KIAA1328: variants seen among roughly 807,000 people sequenced by gnomAD.
KIAA1328 encodes the protein protein hinderin.
In KIAA1328, 52 loss-of-function variants were observed where a neutral mutation model predicts 68.1. That is an observed-to-expected ratio of 0.76 (90% CI 0.61 to 0.96). KIAA1328 has a LOEUF of 0.96. Ranked by LOEUF, KIAA1328 falls within the 40% of genes least tolerant of loss-of-function variation. KIAA1328 has a pLI of 0.00. For missense variants in KIAA1328, 641 were observed against 677.6 expected, an observed-to-expected ratio of 0.95 and a Z score of 0.60; for synonymous variants, 232 against 239.4, an observed-to-expected ratio of 0.97 and a Z score of 0.28.
intron 6 of KIAA1328, among the ~76,000 whole-genome samples, chr18:36,985,055 C>T (rs2052858998): frequency 6.6e-6 from 1 of 151,944 alleles, no homozygotes; most frequent in East Asian, 1.9e-4. Context: ...AAAATTCAAG[C>T]ATTTGGGAGG....
chr18:37,164,770 G>A (rs1368859470), intron 8 of KIAA1328, among the ~76,000 whole-genome samples: 1 of 151,984 alleles, frequency 6.6e-6, no homozygotes, highest in African/African-American at 2.4e-5. Context: ...AAATAAAAAA[G>A]TGCTGCCTTA....
intron 4 of KIAA1328, among the ~76,000 whole-genome samples, chr18:36,845,523 T>C (rs1437971221): frequency 6.6e-6 from 1 of 151,754 alleles, no homozygotes; most frequent in Non-Finnish European, 1.5e-5. Flanking sequence ...GGAGAATACC[T>C]GAAATATTAG....
intron 3 of KIAA1328, among the ~76,000 whole-genome samples, chr18:36,842,133 A>G (rs770719453): frequency 4.9e-4 from 74 of 152,188 alleles, no homozygotes; most frequent in Non-Finnish European, 9.4e-4. Flanking sequence ...ATAAGAAACA[A>G]CCACAATCTC....
chr18:37,145,583 C>T (rs1046366262), intron 7 of KIAA1328, among the ~76,000 whole-genome samples: 2 of 152,224 alleles, frequency 1.3e-5, no homozygotes, highest in African/African-American at 4.8e-5. Flanking sequence ...TTTAATTTCT[C>T]TACTTTTTCC....
intron 6 of KIAA1328, among the ~76,000 whole-genome samples, chr18:37,055,895 G>A (rs888443217): frequency 1.3e-5 from 2 of 152,162 alleles, no homozygotes; most frequent in Admixed American, 6.5e-5. Flanking sequence ...AGAATGAATA[G>A]CAATAAGACC....
At chr18:37,073,657 A>G (rs566989747) in intron 7 of KIAA1328, among the ~76,000 whole-genome samples, 3 of 152,176 alleles carry the variant, frequency 2.0e-5, no homozygotes, top group African/African-American at 4.8e-5. Context: ...TGAGTTTTCA[A>G]ATTTTACTTA....
At chr18:36,996,908 T>C (rs1410491332) in intron 6 of KIAA1328, among the ~76,000 whole-genome samples, 1 of 152,190 alleles carries the variant, frequency 6.6e-6, no homozygotes, top group Admixed American at 6.5e-5. Flanking sequence ...AACGTTTAGA[T>C]CTGTTAGAAC....
At position 36,885,558 on chromosome 18, in the gene KIAA1328, G is replaced by A; in HGVS notation, c.334G>A (p.Val112Ile). The change falls in exon 5 of 10, where the codon GTA becomes ATA. Residue 112 changes from valine (V) to isoleucine (I), a missense_variant and splice_region_variant. Transcript: ENST00000280020. ...AAGGTTTTTTTTTTTTTATTTCAGA[G>A]TAAGTGAGGAAAAGGAAGTGACAGA... is the stretch of plus-strand genomic sequence containing the variant. Reference protein sequence around the residue: ...IANLIKELARVSEEKEVTEER... With the variant: ...IANLIKELARISEEKEVTEER... 6 of 1,507,368 alleles carry A rather than the reference G, an allele frequency of 4.0e-6. No homozygotes were observed. The highest frequency in any genetic ancestry group is 1.4e-5 in the African/African-American group (1 of 69,956). 93.4% of individuals were successfully genotyped at this position (1,507,368 alleles called of 1,614,324 possible). A position where few individuals can be genotyped will look rare whatever the true frequency, so the allele number is the denominator to read the frequency against.
At position 37,222,491 on chromosome 18, in the gene KIAA1328, T is replaced by A. The variant is rs1280734762; in HGVS notation, c.*264T>A. Reference sequence around the variant, plus strand: ...AACAGATTAGAAAATTAACATAGGATACTTTCTGCGTGGTGGAAACCATTG... The same window carrying A: ...AACAGATTAGAAAATTAACATAGGAAACTTTCTGCGTGGTGGAAACCATTG... On this transcript the variant is annotated 3_prime_UTR_variant, in exon 10 of 10. Transcript: ENST00000280020. 7.9e-7 allele frequency: 1 copy of A among 1,267,960 alleles called. No homozygotes were observed. The allele number at this position is 1,267,960 out of a possible 1,614,324, so 78.5% of individuals were successfully genotyped here.
intron 4 of KIAA1328, among the ~76,000 whole-genome samples, chr18:36,872,709 A>C (rs1452129620): frequency 6.6e-6 from 1 of 152,232 alleles, no homozygotes; most frequent in Non-Finnish European, 1.5e-5. Context: ...ACATATGAAA[A>C]GTTAGAGAAA....
chr18:36,917,250 G>A (rs1568162044), intron 5 of KIAA1328, among the ~76,000 whole-genome samples: 1 of 151,740 alleles, frequency 6.6e-6, no homozygotes, highest in East Asian at 1.9e-4. Flanking sequence ...CTCTGAAGAG[G>A]TTTTTTTTGT....
At chr18:36,880,717 TA>T (rs1568116218) in intron 4 of KIAA1328, among the ~76,000 whole-genome samples, 1 of 151,984 alleles carries the variant, frequency 6.6e-6, no homozygotes, top group African/African-American at 2.4e-5. Flanking sequence ...GGATTTTTTT[TA>T]AAAAAAGATT....
At chr18:37,043,597 C>G (rs2055346743) in intron 6 of KIAA1328, among the ~76,000 whole-genome samples, 1 of 152,146 alleles carries the variant, frequency 6.6e-6, no homozygotes, top group Admixed American at 6.5e-5. Context: ...AAATTTTGCT[C>G]TAACAACTCA....
intron 7 of KIAA1328, among the ~76,000 whole-genome samples, chr18:37,081,013 C>A (rs1052102466): frequency 2.6e-5 from 4 of 151,850 alleles, no homozygotes; most frequent in Non-Finnish European, 4.4e-5. Flanking sequence ...CGGAGTTTGG[C>A]TCTGTCACCC....
intron 6 of KIAA1328, among the ~76,000 whole-genome samples, chr18:37,001,845 T>C (rs929335853): frequency 3.9e-5 from 6 of 152,078 alleles, no homozygotes; most frequent in African/African-American, 1.4e-4. Flanking sequence ...AGGTTAGAAG[T>C]AAAATACTTC....
chr18:36,873,938 T>A (rs2048033298), intron 4 of KIAA1328, among the ~76,000 whole-genome samples: 1 of 152,156 alleles, frequency 6.6e-6, no homozygotes, highest in Non-Finnish European at 1.5e-5. Context: ...ACATGCAGTG[T>A]TTGGTTTTCT....
In KIAA1328 at chr18:36,995,420, G is replaced by A. The variant is rs530957875; in HGVS notation, c.576+35985G>A. Among the ~76,000 whole-genome samples the A allele has an allele frequency of 4.7e-4, 71 of 152,166 alleles. 2 individuals are homozygous for A. The South Asian group carries it at 0.013, about 27-fold the overall frequency. The stretch of plus-strand genomic sequence containing the variant: ...GTGAATAGTGCCGCAATAAATATAC[G>A]TGTGCATCATTCACCCACTTTCTAA... On this transcript the variant is annotated intron_variant, in intron 6 of 9. Transcript: ENST00000280020.
At chr18:37,021,872 A>T (rs2054359477) in intron 6 of KIAA1328, among the ~76,000 whole-genome samples, 1 of 151,918 alleles carries the variant, frequency 6.6e-6, no homozygotes, top group Admixed American at 6.6e-5. Flanking sequence ...CCCCGTCTCT[A>T]CCAAAAAAAT....
chr18:37,159,410 A>G (rs928651496), intron 7 of KIAA1328, among the ~76,000 whole-genome samples: 5 of 152,060 alleles, frequency 3.3e-5, no homozygotes, highest in African/African-American at 1.2e-4. Context: ...ATGCATTTCC[A>G]TGTCTTTTTC....
Sources: allele counts gnomAD v4.1 joint callset (sites outside exome capture counted in the v4.1 genomes callset), GRCh38; gene constraint gnomAD v4.1.1; transcripts MANE v1.5; gene names NCBI Gene and HGNC (gene_info 2026-07-23, HGNC 2026-07-21).